Variants in CUBN observed in about 807,000 individuals in gnomAD.
CUBN encodes the protein 460 kDa receptor.
Under a neutral mutation model 405.3 loss-of-function variants are expected in CUBN, and 282 were observed. The observed-to-expected ratio is 0.70, with a 90% CI of 0.63 to 0.77. CUBN has a LOEUF of 0.77. Among genes scored for constraint, CUBN ranks in the 30% least tolerant of loss-of-function variants. The probability of loss-of-function intolerance (pLI) is 0.00; values close to 1 mark genes in which losing one functional copy is unlikely to be tolerated. For missense variants in CUBN, 4,514 were observed against 4,475.2 expected (o/e 1.01, Z -0.25); for synonymous variants, 1,684 against 1,617.0 (o/e 1.04, Z -0.99).
At position 17,052,759 on chromosome 10, in the gene CUBN, C is replaced by CA. The variant is rs10574636; in HGVS notation, c.3140-5157dup. 4.5e-3 allele frequency among the ~76,000 whole-genome samples: 249 copies of CA among 55,120 alleles called. 14 individuals are homozygous for CA. The highest frequency in any genetic ancestry group is 0.029 in the Middle Eastern group (1 of 34). The allele number at this position is 55,120 out of a possible 152,430, so 36.2% of individuals were successfully genotyped here. A position where few individuals can be genotyped will look rare whatever the true frequency, so the allele number is the denominator to read the frequency against. On this transcript the variant is annotated intron_variant, in intron 22 of 66. Coordinates refer to ENST00000377833, the MANE Select transcript of CUBN (RefSeq NM_001081.4). Reference sequence around the variant, plus strand: ...TGGGCAACAGACTGAGACTCAGTCTCAAAAAAAAAAAAAAAAAAAAAAAAA... The same window carrying CA: ...TGGGCAACAGACTGAGACTCAGTCTCAAAAAAAAAAAAAAAAAAAAAAAAAA...
intron 31 of CUBN, among the ~76,000 whole-genome samples, chr10:16,971,492 C>G (rs1056973330): frequency 6.6e-6 from 1 of 152,186 alleles, no homozygotes; most frequent in Non-Finnish European, 1.5e-5. Flanking sequence ...CCCAACTTAC[C>G]TGGACAGTCT....
chr10:17,019,939 G>A lies in CUBN; in HGVS notation c.4062C>T (p.Asp1354=), dbSNP rs372693850. The change falls in exon 28 of 67, where the codon GAC becomes GAT. Residue 1354 remains aspartate (D), a synonymous_variant. Coordinates refer to ENST00000377833, the MANE Select transcript of CUBN (RefSeq NM_001081.4). ...TTGTAGTACTCCCTGGAGGGGGCAG[G>A]TCTACTCCACAGTAGCGTCCCATCT... The part of the protein sequence containing the change: ...PRQMGRYCGV[D]LPPPGSTTSS... 4 of 1,614,144 alleles carry A rather than the reference G, an allele frequency of 2.5e-6. No homozygotes were observed. Among genetic ancestry groups the A allele is most frequent in the Non-Finnish European group, 3.4e-6 (4 of 1,179,986 alleles).
intron 31 of CUBN, among the ~76,000 whole-genome samples, chr10:16,970,231 T>C (rs1007556879): frequency 3.3e-5 from 5 of 152,332 alleles, no homozygotes; most frequent in African/African-American, 1.2e-4. Flanking sequence ...TTAACACTTT[T>C]CCTTCTATTG....
chr10:17,077,763 G>C (rs1835883593), intron 17 of CUBN, among the ~76,000 whole-genome samples: 1 of 152,146 alleles, frequency 6.6e-6, no homozygotes, highest in African/African-American at 2.4e-5. Context: ...CCTGCCCCCA[G>C]TGAGAGAATA....
intron 29 of CUBN, among the ~76,000 whole-genome samples, chr10:16,989,835 A>G (rs1512706): frequency 0.94 from 143,182 of 152,262 alleles, 67,561 homozygotes; most frequent in African/African-American, 0.97. Context: ...CTGGTAGGCC[A>G]TCCCTGTGCT....
intron 54 of CUBN, among the ~76,000 whole-genome samples, chr10:16,898,592 A>G (rs970031453): frequency 2.0e-5 from 3 of 152,154 alleles, no homozygotes; most frequent in African/African-American, 7.2e-5. Context: ...AGCATTTATA[A>G]CTTTAGATTT....
intron 28 of CUBN, among the ~76,000 whole-genome samples, chr10:17,003,154 T>C (rs1381963337): frequency 6.6e-6 from 1 of 152,234 alleles, no homozygotes; most frequent in East Asian, 1.9e-4. Context: ...GCTTCTCTTT[T>C]ACTTAAATTT....
intron 14 of CUBN, 123 bp from the exon 15 acceptor site, chr10:17,088,468 C>A: frequency 1.4e-6 from 1 of 712,486 alleles, no homozygotes; most frequent in East Asian, 2.7e-5. Flanking sequence ...TTTTAGACAC[C>A]CTCATAAATT....
chr10:17,110,830 A>G, intron 9 of CUBN, 89 bp downstream of exon 9: 2 of 1,590,824 alleles, frequency 1.3e-6, no homozygotes, highest in East Asian at 2.2e-5. Flanking sequence ...GCCAGAAATC[A>G]TATTTTAAAT....
intron 48 of CUBN, among the ~76,000 whole-genome samples, chr10:16,909,188 A>G (rs940628009): frequency 6.6e-6 from 1 of 152,120 alleles, no homozygotes; most frequent in African/African-American, 2.4e-5. Context: ...CCCGGCCAAG[A>G]TGTCATCTCT....
At chr10:17,068,821 C>T in intron 19 of CUBN, 51 bp from the exon 20 acceptor site, 1 of 1,339,948 alleles carries the variant, frequency 7.5e-7, no homozygotes, top group East Asian at 2.3e-5. Flanking sequence ...ATTTTGAAAA[C>T]TGCTTCAAGA....
At chr10:17,067,787 A>G (rs550865381) in intron 21 of CUBN, among the ~76,000 whole-genome samples, 3 of 152,246 alleles carry the variant, frequency 2.0e-5, no homozygotes, top group Non-Finnish European at 2.9e-5. Context: ...GGTGAGGAAC[A>G]AAAGCAAGGA....
At chr10:16,857,405 T>G (rs1246077031) in intron 59 of CUBN, among the ~76,000 whole-genome samples, 1 of 152,218 alleles carries the variant, frequency 6.6e-6, no homozygotes, top group Admixed American at 6.5e-5. Flanking sequence ...AGAGCAATAC[T>G]TGTATAAAGA....
In CUBN at chr10:16,876,879, G is replaced by C. The variant is rs1258470134; in HGVS notation, c.9106+18C>G. 6.2e-6 allele frequency: 10 copies of C among 1,607,094 alleles called. No individual in the cohort carries two copies. Among genetic ancestry groups the C allele is most frequent in the Non-Finnish European group, 8.5e-6 (10 of 1,173,832 alleles). The stretch of plus-strand genomic sequence containing the variant: ...AGAAAAGAAGAAAATTCCAAACTCT[G>C]TCATTATGGCTACTCACAGATTATC... On this transcript the variant is annotated intron_variant, in intron 57 of 66. Coordinates refer to ENST00000377833, the MANE Select transcript of CUBN (RefSeq NM_001081.4).
chr10:16,845,419 G>C (rs1028454125), intron 60 of CUBN, among the ~76,000 whole-genome samples: 5 of 152,178 alleles, frequency 3.3e-5, no homozygotes, highest in African/African-American at 7.2e-5. Context: ...GAGGTCTGCT[G>C]GGCAACATGC....
intron 8 of CUBN, among the ~76,000 whole-genome samples, chr10:17,112,365 T>A (rs1836790882): frequency 6.6e-6 from 1 of 152,050 alleles, no homozygotes; most frequent in South Asian, 2.1e-4. Context: ...TTTCCATATT[T>A]TTGTAGTGAT....
chr10:17,126,805 A>T lies in CUBN; in HGVS notation c.349-6T>A, dbSNP rs1837201696. 1 of 1,614,160 alleles carries T rather than the reference A, an allele frequency of 6.2e-7. No individual in the cohort carries two copies. Among genetic ancestry groups the T allele is most frequent in the Non-Finnish European group, 8.5e-7 (1 of 1,179,998 alleles). The stretch of plus-strand genomic sequence containing the variant: ...TTTCTCTCAAGATCCACCAGCTGGC[A>T]ATAGGGAAGAAAAAGCTTCAGTTAG... On this transcript the variant is annotated splice_region_variant and splice_polypyrimidine_tract_variant and intron_variant, in intron 3 of 66. Transcript: ENST00000377833.
At chr10:16,946,208 TATA>T (rs1207177867) in intron 36 of CUBN, among the ~76,000 whole-genome samples, 1 of 152,184 alleles carries the variant, frequency 6.6e-6, no homozygotes, top group Non-Finnish European at 1.5e-5. Flanking sequence ...TCTCTCAATA[TATA>T]ATAAGCATCC....
chr10:16,872,200 A>C (rs1452052165), intron 58 of CUBN, among the ~76,000 whole-genome samples: 1 of 152,142 alleles, frequency 6.6e-6, no homozygotes, highest in Non-Finnish European at 1.5e-5. Flanking sequence ...AGATCACGCC[A>C]CTGCACTCCA....
Sources: gnomAD v4.1 joint callset for allele counts (sites outside exome capture counted in the v4.1 genomes callset) on GRCh38, gnomAD v4.1.1 for gene constraint, MANE v1.5 for transcripts, NCBI Gene and HGNC (gene_info 2026-07-23, HGNC 2026-07-21) for gene names.